TANGO6: variants seen among roughly 807,000 people sequenced by gnomAD.
TANGO6 encodes transport and Golgi organization protein 6 homolog.
Under a neutral mutation model 114.2 loss-of-function variants are expected in TANGO6, and 90 were observed. The observed-to-expected ratio is 0.79, with a 90% CI of 0.66 to 0.94. The LOEUF is 0.94. Among genes scored for constraint, TANGO6 ranks in the 40% least tolerant of loss-of-function variants. The probability of loss-of-function intolerance (pLI) is 0.00; values close to 1 mark genes in which losing one functional copy is unlikely to be tolerated. For missense variants in TANGO6, 1,274 were observed against 1,315.3 expected (o/e 0.97, Z 0.49); for synonymous variants, 477 against 509.8 (o/e 0.94, Z 0.87).
chr16:68,980,358 T>C (rs1380080791), intron 15 of TANGO6, among the ~76,000 whole-genome samples: 2 of 140,582 alleles, frequency 1.4e-5, no homozygotes, highest in Admixed American at 7.0e-5. Flanking sequence ...CAGGATTACA[T>C]GAGTATGAAT....
intron 8 of TANGO6, among the ~76,000 whole-genome samples, chr16:68,900,749 T>G (rs1364609907): frequency 6.6e-6 from 1 of 152,232 alleles, no homozygotes; most frequent in Admixed American, 6.5e-5. Flanking sequence ...ATACAGTTTT[T>G]AGAATGACTT....
intron 15 of TANGO6, among the ~76,000 whole-genome samples, chr16:68,999,632 A>G (rs1964021747): frequency 6.6e-6 from 1 of 152,240 alleles, no homozygotes; most frequent in Non-Finnish European, 1.5e-5. Flanking sequence ...AACATGCTCT[A>G]TATTTTGTTT....
chr16:68,907,375 G>A, intron 9 of TANGO6, 68 bp from the exon 10 acceptor site: 2 of 1,470,950 alleles, frequency 1.4e-6, no homozygotes, highest in South Asian at 1.5e-5. Flanking sequence ...TTAGAAGATT[G>A]TTATGGGGTT....
At chr16:68,999,909 T>G (rs556516135) in intron 15 of TANGO6, among the ~76,000 whole-genome samples, 2 of 152,246 alleles carry the variant, frequency 1.3e-5, no homozygotes, top group Non-Finnish European at 2.9e-5. Flanking sequence ...GTGGCACACT[T>G]TCCAAAGTTA....
intron 7 of TANGO6, among the ~76,000 whole-genome samples, chr16:68,894,603 G>A (rs1018562601): frequency 6.6e-6 from 1 of 152,008 alleles, no homozygotes; most frequent in Non-Finnish European, 1.5e-5. Context: ...TGAGGGTGGG[G>A]ACAGCTGGGA....
At chr16:68,940,368 G>A (rs1963340755) in intron 14 of TANGO6, among the ~76,000 whole-genome samples, 1 of 152,004 alleles carries the variant, frequency 6.6e-6, no homozygotes, top group South Asian at 2.1e-4. Context: ...GATTTTTTAG[G>A]TCAGATTTTT....
chr16:68,869,212 G>A (rs994579694), intron 4 of TANGO6, among the ~76,000 whole-genome samples: 1 of 152,180 alleles, frequency 6.6e-6, no homozygotes, highest in Admixed American at 6.5e-5. Flanking sequence ...GGCTGGGCAT[G>A]GTGGCTCATG....
rs766488163 is a variant in TANGO6 at position 68,880,613 on chromosome 16, A to G, written c.1360A>G (p.Ile454Val). The change falls in exon 7 of 18, where the codon ATT (isoleucine) becomes GTT (valine). Residue 454 changes from isoleucine to valine, a missense_variant. Transcript: ENST00000261778. ...GACAGAAGAAGAACTTAGTAGATGC[A>G]TTGAGGATGTGTTTAAGGTTGGTAA... ...LVTEEELSRC[I>V]EDVFKVYVVG... 3 of 1,612,050 alleles carry G rather than the reference A, an allele frequency of 1.9e-6. No individual in the cohort carries two copies. Among genetic ancestry groups the G allele is most frequent in the Non-Finnish European group, 2.5e-6 (3 of 1,178,860 alleles).
intron 7 of TANGO6, 22 bp from the exon 8 acceptor site, chr16:68,900,412 T>G (rs1317178794): frequency 6.2e-7 from 1 of 1,604,952 alleles, no homozygotes; most frequent in African/African-American, 1.3e-5. Flanking sequence ...GGGATTATTC[T>G]TCACCATTTC....
rs188720886 is a variant in TANGO6, at chr16:68,984,765, G to C, written c.2842+10597G>C. On this transcript the variant is annotated intron_variant, in intron 15 of 17. Transcript: ENST00000261778. ...TCAAACTCCTGAGCTCAAGTGATCT[G>C]CCTGTGTCAGCCTCTCAAAGTGTTG... Among the ~76,000 whole-genome samples, 1,440 of 151,498 alleles carry C rather than the reference G, an allele frequency of 9.5e-3. 21 individuals carry two copies. Among genetic ancestry groups the C allele is most frequent in the African/African-American group, 0.033 (1,365 of 41,282 alleles).
chr16:68,845,382 C>A (rs1961787529), intron 1 of TANGO6, among the ~76,000 whole-genome samples: 1 of 152,122 alleles, frequency 6.6e-6, no homozygotes, highest in Non-Finnish European at 1.5e-5. Flanking sequence ...TCTCTAATCT[C>A]TATGAGTATG....
At chr16:68,914,023 A>G (rs1962964873) in intron 11 of TANGO6, among the ~76,000 whole-genome samples, 1 of 152,158 alleles carries the variant, frequency 6.6e-6, no homozygotes, top group Non-Finnish European at 1.5e-5. Flanking sequence ...ATCCTCAACA[A>G]TGAGGCCTCC....
chr16:69,039,321 C>G (rs1198763860), intron 16 of TANGO6, among the ~76,000 whole-genome samples: 1 of 144,958 alleles, frequency 6.9e-6, no homozygotes, highest in Non-Finnish European at 1.5e-5. Flanking sequence ...GAGCGAGACT[C>G]CGTCTCAAAA....
At position 68,927,859 on chromosome 16, in the gene TANGO6, A is replaced by ACAG; in HGVS notation, c.2420_2422dup (p.Thr807_Gly808insAla). The ACAG allele has an allele frequency of 6.2e-7, 1 of 1,614,004 alleles. No individual in the cohort carries two copies. The highest frequency in any genetic ancestry group is 1.1e-5 in the South Asian group (1 of 91,080). ...GCAGAGCCATGAGACAGCCCCCCAG[A>ACAG]CAGGCCTGCAGTCAAATGCTCCAAT... On this transcript the variant is annotated inframe_insertion, in exon 13 of 18. Transcript: ENST00000261778.
intron 14 of TANGO6, among the ~76,000 whole-genome samples, chr16:68,954,013 G>A (rs1307844461): frequency 2.6e-5 from 4 of 152,130 alleles, no homozygotes; most frequent in African/African-American, 9.6e-5. Context: ...GCCGAGGTGG[G>A]CGGATCACTT....
Position 68,877,430 on chromosome 16 carries a change from C to T in TANGO6, c.1132-688C>T, listed in dbSNP as rs1211530490. ...TTGCAGTGAGCCGAGATTGCACCACCGTATTCCAGCCTGGGCGGCAGGGTG... is the reference window on the plus strand; with the variant it reads ...TTGCAGTGAGCCGAGATTGCACCACTGTATTCCAGCCTGGGCGGCAGGGTG... On this transcript the variant is annotated intron_variant, in intron 5 of 17. Transcript: ENST00000261778. 2.3e-4 allele frequency among the ~76,000 whole-genome samples: 34 copies of T among 145,920 alleles called. No homozygotes were observed. The East Asian group carries it at 5.5e-3, about 24-fold the overall frequency.
chr16:68,956,412 T>C (rs1963530315), intron 14 of TANGO6, among the ~76,000 whole-genome samples: 1 of 151,532 alleles, frequency 6.6e-6, no homozygotes, highest in South Asian at 2.1e-4. Context: ...GAAGTAGGAG[T>C]CTAACAGAAG....
chr16:69,051,797 G>T (rs1167357463), intron 17 of TANGO6, among the ~76,000 whole-genome samples: 1 of 152,128 alleles, frequency 6.6e-6, no homozygotes, highest in African/African-American at 2.4e-5. Flanking sequence ...AGTGAGCCAA[G>T]ATCACGCCAC....
At chr16:69,039,175 ACT>A (rs912579218) in intron 16 of TANGO6, among the ~76,000 whole-genome samples, 21 of 151,452 alleles carry the variant, frequency 1.4e-4, no homozygotes, top group African/African-American at 4.9e-4. Context: ...ACAGAGTGAG[ACT>A]CCATCTCAAA....
Sources: allele counts gnomAD v4.1 joint callset (sites outside exome capture counted in the v4.1 genomes callset), GRCh38; gene constraint gnomAD v4.1.1; transcripts MANE v1.5; gene names NCBI Gene and HGNC (gene_info 2026-07-23, HGNC 2026-07-21).